The following GPIHBP1 variants were observed in gnomAD, a reference collection of about 807,000 sequenced individuals.
GPIHBP1 encodes the protein glycosylphosphatidylinositol anchored high density lipoprotein binding protein 1.
A neutral mutation model predicts 13.0 loss-of-function variants in GPIHBP1; 11 were observed. That is an observed-to-expected ratio of 0.84 (90% confidence interval 0.53 to 1.40). The LOEUF is 1.40. Among genes scored for constraint, GPIHBP1 ranks in the 40% most tolerant of loss-of-function variants. The pLI is 0.00. For synonymous variants in GPIHBP1, 106 were observed against 102.2 expected (o/e 1.04, Z -0.22); for missense variants, 231 against 241.1 (o/e 0.96, Z 0.28).
Position 143,213,806 on chromosome 8 carries a change from A to G in GPIHBP1, c.53-16A>G, listed in dbSNP as rs1269111321. ...ACCCGGGTAGCTGAGGCTTACAAGC[A>G]TCCCTGCACGGCCAGGGAGAGGGCA... is the stretch of plus-strand genomic sequence containing the variant. On this transcript the variant is annotated splice_polypyrimidine_tract_variant and intron_variant, in intron 1 of 3. Transcript: ENST00000622500. The G allele has an allele frequency of 6.4e-7, 1 of 1,573,884 alleles. No individual in the cohort carries two copies. The highest frequency in any genetic ancestry group is 8.6e-7 in the Non-Finnish European group (1 of 1,160,258).
chr8:143,215,168 C>G, intron 3 of GPIHBP1, 42 bp downstream of exon 3: 1 of 1,608,552 alleles, frequency 6.2e-7, no homozygotes, highest in African/African-American at 1.3e-5. Flanking sequence ...CCCCAGGCGG[C>G]GGGAAAGCCA....
chr8:143,215,641 C>A lies in GPIHBP1; in HGVS notation c.*123C>A. ...TGGATTTGGAGTGTCTTGGGCGATC[C>A]AGCCAGCGCAGGCCCCCCGGCCCGG... On this transcript the variant is annotated 3_prime_UTR_variant, in exon 4 of 4. Transcript: ENST00000622500. 1 of 837,876 alleles carries A rather than the reference C, an allele frequency of 1.2e-6. No homozygotes were observed. The highest frequency in any genetic ancestry group is 1.8e-6 in the Non-Finnish European group (1 of 548,968). 51.9% of individuals were successfully genotyped at this position (837,876 alleles called of 1,614,324 possible).
rs1460841047 is a variant in GPIHBP1, at chr8:143,214,692, C to A, written c.182-321C>A. Among the ~76,000 whole-genome samples the A allele has an allele frequency of 2.0e-5, 3 of 152,214 alleles. No individual in the cohort carries two copies. The highest frequency in any genetic ancestry group is 7.2e-5 in the African/African-American group (3 of 41,442). On this transcript the variant is annotated intron_variant, in intron 2 of 3. Transcript: ENST00000622500. This position sits in a 1 kb window ranked among gnomAD's most constrained non-coding sequence, Gnocchi z 4.1. ...CCCTCCTCTGCCAGGCCTGGTGCTC[C>A]TGGAGGCAGGACTGAGTCAGACCCA...
At chr8:143,215,156 A>G (rs1563712875) in intron 3 of GPIHBP1, 30 bp downstream of exon 3, 1 of 1,604,542 alleles carries the variant, frequency 6.2e-7, no homozygotes, top group African/African-American at 1.3e-5. Flanking sequence ...CAGCACATGC[A>G]CCCCCAGGCG....
At position 143,213,784 on chromosome 8, in the gene GPIHBP1, C is replaced by T. The variant is rs186645881; in HGVS notation, c.53-38C>T. The T allele has an allele frequency of 2.7e-4, 419 of 1,574,928 alleles. No homozygotes were observed. The Middle Eastern group carries it at 8.7e-3, about 33-fold the overall frequency. On this transcript the variant is annotated intron_variant, in intron 1 of 3. Coordinates refer to ENST00000622500, the MANE Select transcript of GPIHBP1 (RefSeq NM_178172.6). Reference sequence around the variant, plus strand: ...GCCCAGAGCAGGTGTCCTCCATACCCGGGTAGCTGAGGCTTACAAGCATCC... The same window carrying T: ...GCCCAGAGCAGGTGTCCTCCATACCTGGGTAGCTGAGGCTTACAAGCATCC...
chr8:143,215,011 A>T lies in GPIHBP1; in HGVS notation c.182-2A>T. 6.4e-7 allele frequency: 1 copy of T among 1,563,110 alleles called. No homozygotes were observed. Among genetic ancestry groups the T allele is most frequent in the Non-Finnish European group, 8.7e-7 (1 of 1,153,364 alleles). On this transcript the variant is annotated splice_acceptor_variant, in intron 2 of 3. Transcript: ENST00000622500. LOFTEE classifies it high-confidence loss of function. ...CTCGGCCTGAGCCCGCCTTGTCCCC[A>T]GTGCTGCTGCGGTGCTACACCTGCA...
chr8:143,215,648 C>T lies in GPIHBP1; in HGVS notation c.*130C>T, dbSNP rs758429169. 1.5e-5 allele frequency: 12 copies of T among 788,634 alleles called. No individual in the cohort carries two copies. Among genetic ancestry groups the T allele is most frequent in the East Asian group, 2.7e-5 (1 of 37,158 alleles). 48.9% of individuals were successfully genotyped at this position (788,634 alleles called of 1,614,324 possible). On this transcript the variant is annotated 3_prime_UTR_variant, in exon 4 of 4. Transcript: ENST00000622500. ...GGAGTGTCTTGGGCGATCCAGCCAG[C>T]GCAGGCCCCCCGGCCCGGTTGCTTC...
chr8:143,214,093 C>G lies in GPIHBP1; in HGVS notation c.181+143C>G. On this transcript the variant is annotated intron_variant, in intron 2 of 3. Transcript: ENST00000622500. This position sits in a 1 kb window ranked among gnomAD's most constrained non-coding sequence, Gnocchi z 4.1. ...TGGGGGACACTCAGTACACCCCTCACTGCTGCTCACCATGACACTCAGTTG... is the reference window on the plus strand; with the variant it reads ...TGGGGGACACTCAGTACACCCCTCAGTGCTGCTCACCATGACACTCAGTTG... The G allele has an allele frequency of 9.2e-7, 1 of 1,090,866 alleles. No individual in the cohort carries two copies. Among genetic ancestry groups the G allele is most frequent in the Admixed American group, 2.0e-5 (1 of 49,630 alleles). 67.6% of individuals were successfully genotyped at this position (1,090,866 alleles called of 1,614,324 possible). A position where few individuals can be genotyped will look rare whatever the true frequency, so the allele number is the denominator to read the frequency against.
rs936142408 is a variant in GPIHBP1, at chr8:143,215,609, T to C, written c.*91T>C. 2.3e-5 allele frequency: 26 copies of C among 1,137,906 alleles called. No individual in the cohort carries two copies. Among genetic ancestry groups the C allele is most frequent in the Non-Finnish European group, 3.2e-5 (26 of 811,012 alleles). The allele number at this position is 1,137,906 out of a possible 1,614,324, so 70.5% of individuals were successfully genotyped here. The stretch of plus-strand genomic sequence containing the variant: ...TCCCCTCCTGCCCCTGCACCAGCTT[T>C]GGAGAATGGATTTGGAGTGTCTTGG... On this transcript the variant is annotated 3_prime_UTR_variant, in exon 4 of 4. Transcript: ENST00000622500.
Position 143,215,861 on chromosome 8 carries a change from C to T in GPIHBP1, c.*343C>T. The T allele has an allele frequency of 2.6e-6, 1 of 389,866 alleles. No homozygotes were observed. The highest frequency in any genetic ancestry group is 4.7e-6 in the Non-Finnish European group (1 of 213,782). The allele number at this position is 389,866 out of a possible 1,614,324, so 24.2% of individuals were successfully genotyped here. ...CCCACCACACACCTGGGGGCCCCCA[C>T]ACCCAGTCCTCACCCTTAACTTCTG... On this transcript the variant is annotated 3_prime_UTR_variant, in exon 4 of 4. Transcript: ENST00000622500.
In GPIHBP1 at chr8:143,214,656, C is replaced by A. The variant is rs1361285958; in HGVS notation, c.182-357C>A. ...CCTGCCCCACACACCCACGAGGTGT[C>A]CCCTGTGAGGCCCTCCTCTGCCAGG... On this transcript the variant is annotated intron_variant, in intron 2 of 3. Coordinates refer to ENST00000622500, the MANE Select transcript of GPIHBP1 (RefSeq NM_178172.6). This position sits in a 1 kb window ranked among gnomAD's most constrained non-coding sequence, Gnocchi z 4.1. Among the ~76,000 whole-genome samples, 1 of 152,144 alleles carries A rather than the reference C, an allele frequency of 6.6e-6. No homozygotes were observed. Among genetic ancestry groups the A allele is most frequent in the African/African-American group, 2.4e-5 (1 of 41,424 alleles).
rs578073937 is a variant in GPIHBP1 at position 143,215,022 on chromosome 8, G to T, written c.191G>T (p.Arg64Leu). 1.3e-6 allele frequency: 2 copies of T among 1,575,398 alleles called. No homozygotes were observed. Among genetic ancestry groups the T allele is most frequent in the Admixed American group, 1.8e-5 (1 of 54,266 alleles). ...CCCGCCTTGTCCCCAGTGCTGCTGC[G>T]GTGCTACACCTGCAAGTCCCTGCCC... ...LPGGRSRVLLRCYTCKSLPRD... is the reference protein window; with the variant it reads ...LPGGRSRVLLLCYTCKSLPRD... The change falls in exon 3 of 4, where the codon CGG (arginine) becomes CTG (leucine). Residue 64 changes from arginine to leucine, a missense_variant. By Grantham distance (102) the Arg-to-Leu change is moderately radical. Transcript: ENST00000622500.
intron 1 of GPIHBP1, 127 bp downstream of exon 1, chr8:143,213,446 G>A (rs13253453): frequency 9.8e-6 from 8 of 812,562 alleles, no homozygotes; most frequent in African/African-American, 3.4e-5. Flanking sequence ...CCCCAGCCCA[G>A]AGCAGCATGG....
chr8:143,216,551 C>A lies in GPIHBP1; in HGVS notation c.*1033C>A, dbSNP rs1296677399. The A allele has an allele frequency of 6.6e-6, 1 of 152,232 alleles. No homozygotes were observed. Among genetic ancestry groups the A allele is most frequent in the Non-Finnish European group, 1.5e-5 (1 of 68,106 alleles). The allele number at this position is 152,232 out of a possible 1,614,324, so 9.4% of individuals were successfully genotyped here. A position where few individuals can be genotyped will look rare whatever the true frequency, so the allele number is the denominator to read the frequency against. On this transcript the variant is annotated 3_prime_UTR_variant, in exon 4 of 4. Transcript: ENST00000622500. ...GGGGGCAGAATGGGCCTGCAGCTTC[C>A]TGCAGAGGAAGCAGGACTGGGTAGC...
intron 1 of GPIHBP1, among the ~76,000 whole-genome samples, chr8:143,213,594 C>CAGGACAGTGAGTAGGGTGAGTAGGGTAGT (rs1272712011): frequency 1.5e-4 from 10 of 64,922 alleles, no homozygotes; most frequent in Middle Eastern, 9.1e-3. Flanking sequence ...CACTCGGCTG[C>CAGGACAGTGAGTAGGGTGAGTAGGGTAGT]AGGACAGTGA....
chr8:143,215,159 C>G (rs768095273), intron 3 of GPIHBP1, 33 bp downstream of exon 3: 2 of 1,610,136 alleles, frequency 1.2e-6, no homozygotes, highest in Non-Finnish European at 1.7e-6. Context: ...CACATGCACC[C>G]CCAGGCGGCG....
chr8:143,215,129 A>G lies in GPIHBP1; in HGVS notation c.295+3A>G, dbSNP rs756751413. 4.3e-6 allele frequency: 7 copies of G among 1,611,560 alleles called. No homozygotes were observed. Among genetic ancestry groups the G allele is most frequent in the Non-Finnish European group, 2.5e-6 (3 of 1,178,836 alleles). The stretch of plus-strand genomic sequence containing the variant: ...CCTCATTGCCCACGGGAACACCGGT[A>G]AGTGGGCGTGGGGCCGCAGCACATG... On this transcript the variant is annotated splice_donor_region_variant and intron_variant, in intron 3 of 3. Coordinates refer to ENST00000622500, the MANE Select transcript of GPIHBP1 (RefSeq NM_178172.6).
rs775456574 is a variant in GPIHBP1 at position 143,214,499 on chromosome 8, G to A, written c.182-514G>A. On this transcript the variant is annotated intron_variant, in intron 2 of 3. Coordinates refer to ENST00000622500, the MANE Select transcript of GPIHBP1 (RefSeq NM_178172.6). The surrounding 1 kb of genome is among the most constrained non-coding windows in gnomAD (Gnocchi z 4.1). ...AATCGCCGCATCCAACCCGAGGGCCGGCCCCTCCCTAGCCAGGGACCACAG... is the reference window on the plus strand; with the variant it reads ...AATCGCCGCATCCAACCCGAGGGCCAGCCCCTCCCTAGCCAGGGACCACAG... Among the ~76,000 whole-genome samples the A allele has an allele frequency of 1.3e-5, 2 of 150,660 alleles. No individual in the cohort carries two copies. Among genetic ancestry groups the A allele is most frequent in the African/African-American group, 2.5e-5 (1 of 40,444 alleles).
In GPIHBP1 at chr8:143,214,988, C is replaced by T. The variant is rs192966895; in HGVS notation, c.182-25C>T. 7.9e-5 allele frequency: 119 copies of T among 1,507,468 alleles called. No individual in the cohort carries two copies. The African/African-American group carries it at 1.4e-3, about 17-fold the overall frequency. 93.4% of individuals were successfully genotyped at this position (1,507,468 alleles called of 1,614,324 possible). ...GAGGAGACCCTGGGGGGCCCGGCCT[C>T]GGCCTGAGCCCGCCTTGTCCCCAGT... On this transcript the variant is annotated intron_variant, in intron 2 of 3. Coordinates refer to ENST00000622500, the MANE Select transcript of GPIHBP1 (RefSeq NM_178172.6). The surrounding 1 kb of genome is among the most constrained non-coding windows in gnomAD (Gnocchi z 4.1).
Sources: gnomAD v4.1 joint callset for allele counts (sites outside exome capture counted in the v4.1 genomes callset) on GRCh38, gnomAD v4.1.1 for gene constraint, Gnocchi (gnomAD v3.1) non-coding constraint, MANE v1.5 for transcripts, NCBI Gene and HGNC (gene_info 2026-07-23, HGNC 2026-07-21) for gene names.